LRRC53: variants seen among roughly 807,000 people sequenced by gnomAD.
LRRC53 encodes leucine-rich repeat-containing protein 53.
Under a neutral mutation model 13.6 loss-of-function variants are expected in LRRC53, and 25 were observed. That is an observed-to-expected ratio of 1.83 (90% CI 1.34 to 2.56). The LOEUF is 2.56. Ranked by LOEUF, LRRC53 falls within the 30% of genes most tolerant of loss-of-function variation. The probability of loss-of-function intolerance (pLI) is 0.00; values close to 1 mark genes in which losing one functional copy is unlikely to be tolerated. For synonymous variants in LRRC53, 204 were observed against 109.8 expected (o/e 1.86, Z -5.37); for missense variants, 527 against 275.8 (o/e 1.91, Z -6.45).
At chr1:74,498,835 C>G (rs973468460) in intron 1 of LRRC53, among the ~76,000 whole-genome samples, 8 of 152,180 alleles carry the variant, frequency 5.3e-5, no homozygotes, top group African/African-American at 1.9e-4. Flanking sequence ...CTACCACATT[C>G]ATTCCCTGTG....
intron 1 of LRRC53, among the ~76,000 whole-genome samples, chr1:74,511,626 A>T (rs1022397359): frequency 3.3e-5 from 5 of 152,090 alleles, no homozygotes; most frequent in African/African-American, 9.7e-5. Flanking sequence ...TGGACACCCA[A>T]TGATGGATTA....
the LRRC53 span, among the ~76,000 whole-genome samples, chr1:74,530,682 G>T: frequency 6.6e-6 from 1 of 151,882 alleles, no homozygotes; most frequent in Non-Finnish European, 1.5e-5. Flanking sequence ...AGGAAGTGAG[G>T]AGTGGGCCTT....
chr1:74,474,530 T>C (rs1396264574), intron 4 of LRRC53, among the ~76,000 whole-genome samples: 1 of 152,184 alleles, frequency 6.6e-6, no homozygotes, highest in Non-Finnish European at 1.5e-5. Context: ...TCATTCATAC[T>C]CTTAGAGAAA....
intron 3 of LRRC53, among the ~76,000 whole-genome samples, chr1:74,478,614 CCTT>C (rs1350870463): frequency 6.6e-6 from 1 of 152,140 alleles, no homozygotes; most frequent in African/African-American, 2.4e-5. Flanking sequence ...CCATATCACA[CCTT>C]CTTCTTAGAA....
intron 1 of LRRC53, among the ~76,000 whole-genome samples, chr1:74,506,436 A>T: frequency 6.6e-6 from 1 of 152,132 alleles, no homozygotes; most frequent in Non-Finnish European, 1.5e-5. Flanking sequence ...AAAGCCCATG[A>T]TTTTTTTACT....
chr1:74,489,626 T>A (rs924712069), intron 1 of LRRC53, among the ~76,000 whole-genome samples: 1 of 152,216 alleles, frequency 6.6e-6, no homozygotes, highest in Non-Finnish European at 1.5e-5. Context: ...TTACATTCAA[T>A]GCGAAAAGAA....
intron 1 of LRRC53, among the ~76,000 whole-genome samples, chr1:74,503,616 G>T (rs560752448): frequency 6.6e-6 from 1 of 152,034 alleles, no homozygotes; most frequent in Non-Finnish European, 1.5e-5. Flanking sequence ...TCTCTGAGAC[G>T]TAAAATTTTT....
At chr1:74,479,992 G>A (rs531728784) in intron 3 of LRRC53, among the ~76,000 whole-genome samples, 161 bp downstream of exon 3, 2 of 152,304 alleles carry the variant, frequency 1.3e-5, no homozygotes, top group African/African-American at 4.8e-5. Context: ...GGAAATTCTT[G>A]CAACCTGTGC....
intron 4 of LRRC53, among the ~76,000 whole-genome samples, chr1:74,474,469 A>G (rs1668093476): frequency 6.6e-6 from 1 of 152,100 alleles, no homozygotes; most frequent in African/African-American, 2.4e-5. Flanking sequence ...CCCAAAATGC[A>G]TCCTTAGGGC....
the LRRC53 span, among the ~76,000 whole-genome samples, chr1:74,525,928 A>G: frequency 6.6e-6 from 1 of 152,222 alleles, no homozygotes; most frequent in South Asian, 2.1e-4. Flanking sequence ...CACCCCAGCT[A>G]CATAATATCA....
chr1:74,511,283 C>T (rs180852278), intron 1 of LRRC53, among the ~76,000 whole-genome samples: 22 of 152,042 alleles, frequency 1.4e-4, no homozygotes, highest in African/African-American at 5.3e-4. Context: ...ACCTCTGCCT[C>T]CCGGGTTCAA....
the LRRC53 span, among the ~76,000 whole-genome samples, chr1:74,536,973 A>G: frequency 3.3e-5 from 5 of 152,158 alleles, no homozygotes; most frequent in Admixed American, 6.5e-5. Context: ...AGCTAGTTCC[A>G]TTGATCAGGG....
chr1:74,486,201 A>AG (rs1668751420), intron 1 of LRRC53, among the ~76,000 whole-genome samples: 1 of 136,412 alleles, frequency 7.3e-6, no homozygotes, highest in African/African-American at 2.6e-5. Context: ...AAATGCTATA[A>AG]AGAGAGAGAG....
At position 74,470,414 on chromosome 1, in the gene LRRC53, C is replaced by T. The variant is rs562781804; in HGVS notation, c.3208G>A (p.Gly1070Ser). 11 of 400,592 alleles carry T rather than the reference C, an allele frequency of 2.7e-5. No homozygotes were observed. Among genetic ancestry groups the T allele is most frequent in the South Asian group, 1.3e-4 (1 of 7,950 alleles). The allele number at this position is 400,592 out of a possible 1,614,324, so 24.8% of individuals were successfully genotyped here. Reference protein sequence around the residue: ...DSTNALPRNDGTEALEIKIVG... With the variant: ...DSTNALPRNDSTEALEIKIVG... The stretch of plus-strand genomic sequence containing the variant: ...ATTTTTATCTCTAGTGCTTCAGTGC[C>T]GTCATTTCTGGGCAATGCATTTGTG... Residue 1070 changes from glycine to serine, a missense_variant, in exon 5 of 5, where the codon GGC becomes AGC. Gly to Ser is a moderately conservative substitution (Grantham distance 56, BLOSUM62 0). Transcript: ENST00000294635.
chr1:74,533,544 C>A, the LRRC53 span, among the ~76,000 whole-genome samples: 44 of 152,228 alleles, frequency 2.9e-4, no homozygotes, highest in African/African-American at 1.0e-3. Context: ...CCATTTGACC[C>A]AGCCATCCTA....
chr1:74,488,470 A>G (rs1668878443), intron 1 of LRRC53, among the ~76,000 whole-genome samples: 1 of 152,214 alleles, frequency 6.6e-6, no homozygotes, highest in Admixed American at 6.5e-5. Context: ...AGGAGAAATG[A>G]TAGGGTGTAT....
chr1:74,518,893 T>TATTA, the LRRC53 span, among the ~76,000 whole-genome samples: 1 of 115,222 alleles, frequency 8.7e-6, no homozygotes, highest in Non-Finnish European at 1.6e-5. Context: ...TTTTTTTTTT[T>TATTA]TATTATACTC....
intron 1 of LRRC53, among the ~76,000 whole-genome samples, chr1:74,504,238 C>G (rs1453821647): frequency 1.3e-5 from 2 of 152,182 alleles, no homozygotes; most frequent in African/African-American, 4.8e-5. Flanking sequence ...GGTGATAGGG[C>G]TCTATGTTAA....
intron 1 of LRRC53, among the ~76,000 whole-genome samples, chr1:74,485,496 G>A (rs1044851530): frequency 6.6e-6 from 1 of 152,156 alleles, no homozygotes; most frequent in African/African-American, 2.4e-5. Context: ...GTGATAAGCA[G>A]GATTCTAACA....
Sources: allele counts gnomAD v4.1 joint callset (sites outside exome capture counted in the v4.1 genomes callset), GRCh38; gene constraint gnomAD v4.1.1; transcripts MANE v1.5; gene names NCBI Gene and HGNC (gene_info 2026-07-23, HGNC 2026-07-21).